The following CCSER1 variants were observed in gnomAD, a reference collection of about 807,000 sequenced individuals.
CCSER1 encodes the protein serine-rich coiled-coil domain-containing protein 1.
CCSER1 carries 41 observed loss-of-function variants against 82.0 expected under a neutral mutation model. That is an observed-to-expected ratio of 0.50 (90% CI 0.39 to 0.65). The LOEUF is 0.65. Ranked by LOEUF, CCSER1 falls within the 30% of genes least tolerant of loss-of-function variation. The pLI, the probability that CCSER1 is intolerant of heterozygous loss-of-function variation, is 0.00. For synonymous variants in CCSER1, 414 were observed against 383.9 expected, an observed-to-expected ratio of 1.08 and a Z score of -0.92; for missense variants, 1,119 against 1,064.2, an observed-to-expected ratio of 1.05 and a Z score of -0.72.
intron 7 of CCSER1, among the ~76,000 whole-genome samples, chr4:90,748,312 T>G (rs1251550971): frequency 6.6e-6 from 1 of 151,086 alleles, no homozygotes; most frequent in Non-Finnish European, 1.5e-5. Flanking sequence ...TTGCAATAGT[T>G]TACTGAGAAT....
At chr4:90,885,792 A>T (rs1397106259) in intron 8 of CCSER1, among the ~76,000 whole-genome samples, 2 of 152,140 alleles carry the variant, frequency 1.3e-5, no homozygotes, top group African/African-American at 4.8e-5. Context: ...ATCAACTGTT[A>T]CAGCAAATCT....
At chr4:90,823,853 T>A (rs181515674) in intron 8 of CCSER1, among the ~76,000 whole-genome samples, 11 of 152,060 alleles carry the variant, frequency 7.2e-5, no homozygotes, top group Admixed American at 5.2e-4. Context: ...CTGCAGACTC[T>A]TTTTTTATTA....
At chr4:91,490,811 C>T (rs1422280753) in intron 10 of CCSER1, among the ~76,000 whole-genome samples, 4 of 121,608 alleles carry the variant, frequency 3.3e-5, no homozygotes, top group Non-Finnish European at 1.7e-5. Flanking sequence ...TAATAGATAC[C>T]CCATTTACCC....
rs530740079 is a variant in CCSER1 at position 90,973,744 on chromosome 4, G to A, written c.2172+50297G>A. Among the ~76,000 whole-genome samples, 18 of 151,616 alleles carry A rather than the reference G, an allele frequency of 1.2e-4. No homozygotes were observed. The South Asian group carries it at 3.7e-3, about 31-fold the overall frequency. ...TGCAGCATTATTAGCAATAACCAAAGCATGGAAACAACGTAAATATCTGCC... is the reference window on the plus strand; with the variant it reads ...TGCAGCATTATTAGCAATAACCAAAACATGGAAACAACGTAAATATCTGCC... On this transcript the variant is annotated intron_variant, in intron 9 of 10. Transcript: ENST00000509176.
At chr4:91,368,466 G>T (rs150136168) in intron 10 of CCSER1, among the ~76,000 whole-genome samples, 58 of 152,068 alleles carry the variant, frequency 3.8e-4, no homozygotes, top group Non-Finnish European at 4.7e-4. Context: ...TATTGTTTCT[G>T]TAATTCTTGG....
chr4:91,203,596 C>G (rs1736106614), intron 10 of CCSER1, among the ~76,000 whole-genome samples: 1 of 151,486 alleles, frequency 6.6e-6, no homozygotes, highest in Non-Finnish European at 1.5e-5. Flanking sequence ...CATAAACACA[C>G]ATGTATACAC....
At chr4:90,456,504 GGATAACACTGA>G (rs1421059291) in intron 4 of CCSER1, among the ~76,000 whole-genome samples, 9 of 152,176 alleles carry the variant, frequency 5.9e-5, no homozygotes, top group Non-Finnish European at 1.3e-4. Flanking sequence ...AGAGGCCTTT[GGATAACACTGA>G]GATATAGCCT....
chr4:91,038,370 G>C (rs1460855833), intron 9 of CCSER1, among the ~76,000 whole-genome samples: 2 of 151,360 alleles, frequency 1.3e-5, no homozygotes, highest in African/African-American at 4.9e-5. Flanking sequence ...TAAGTGAGGG[G>C]TTCAAAACCC....
At chr4:90,471,322 A>G (rs1335923779) in intron 5 of CCSER1, among the ~76,000 whole-genome samples, 1 of 151,896 alleles carries the variant, frequency 6.6e-6, no homozygotes, top group Non-Finnish European at 1.5e-5. Flanking sequence ...ATACTCCCAG[A>G]TACTCACAAG....
At chr4:91,230,090 T>C (rs963939625) in intron 10 of CCSER1, among the ~76,000 whole-genome samples, 2 of 152,120 alleles carry the variant, frequency 1.3e-5, no homozygotes, top group African/African-American at 4.8e-5. Context: ...ATTCAAGGAA[T>C]TATTTGCTAT....
At chr4:91,352,277 G>C (rs949246242) in intron 10 of CCSER1, among the ~76,000 whole-genome samples, 2 of 152,052 alleles carry the variant, frequency 1.3e-5, no homozygotes, top group East Asian at 1.9e-4. Context: ...TTGAAACAGG[G>C]TCTCACTCTG....
chr4:91,456,439 G>A (rs1353379569), intron 10 of CCSER1, among the ~76,000 whole-genome samples: 1 of 151,982 alleles, frequency 6.6e-6, no homozygotes, highest in Non-Finnish European at 1.5e-5. Context: ...CATTTCAAAG[G>A]AGAAATGGCT....
intron 10 of CCSER1, among the ~76,000 whole-genome samples, chr4:91,251,091 T>G (rs1359649186): frequency 6.6e-6 from 1 of 151,994 alleles, no homozygotes; most frequent in African/African-American, 2.4e-5. Context: ...ACTGAAACAA[T>G]GAGAATCTGT....
chr4:90,719,575 G>C (rs1742314298), intron 6 of CCSER1, among the ~76,000 whole-genome samples: 1 of 152,096 alleles, frequency 6.6e-6, no homozygotes, highest in African/African-American at 2.4e-5. Flanking sequence ...CTCAGTGAAA[G>C]TTTCTCACAC....
At chr4:90,979,754 C>T (rs777829413) in intron 9 of CCSER1, among the ~76,000 whole-genome samples, 6 of 151,818 alleles carry the variant, frequency 4.0e-5, no homozygotes, top group African/African-American at 9.6e-5. Flanking sequence ...GGTGATTAAT[C>T]GACCGCGATG....
chr4:90,550,979 A>C (rs1006780149), intron 5 of CCSER1, among the ~76,000 whole-genome samples: 6 of 152,264 alleles, frequency 3.9e-5, no homozygotes, highest in Non-Finnish European at 7.4e-5. Flanking sequence ...TTATTAAGAC[A>C]TTAATATTGT....
intron 5 of CCSER1, among the ~76,000 whole-genome samples, chr4:90,500,822 A>G (rs1046890691): frequency 6.6e-6 from 1 of 152,174 alleles, no homozygotes; most frequent in Non-Finnish European, 1.5e-5. Context: ...ATTATGCCCA[A>G]TATAGGAAAT....
intron 10 of CCSER1, among the ~76,000 whole-genome samples, chr4:91,354,948 A>C (rs901262950): frequency 2.8e-4 from 42 of 152,314 alleles, no homozygotes; most frequent in African/African-American, 9.4e-4. Flanking sequence ...CCATTTCATT[A>C]GGATGTTTAC....
At chr4:90,839,014 A>T in intron 8 of CCSER1, 1 of 1,612,534 alleles carries the variant, frequency 6.2e-7, no homozygotes, top group Non-Finnish European at 8.5e-7. Flanking sequence ...TCTCGATCTC[A>T]GCCATATCGG....
Sources: allele counts gnomAD v4.1 joint callset (sites outside exome capture counted in the v4.1 genomes callset), GRCh38; gene constraint gnomAD v4.1.1; transcripts MANE v1.5; gene names NCBI Gene and HGNC (gene_info 2026-07-23, HGNC 2026-07-21).